GXYLT1: variants seen among roughly 807,000 people sequenced by gnomAD.
The protein encoded by GXYLT1 is glycosyltransferase 8 domain containing 3.
In GXYLT1, 29 loss-of-function variants were observed where a neutral mutation model predicts 54.0. The ratio of observed to expected loss-of-function variants is 0.54; its 90% confidence interval spans 0.40 to 0.73. The LOEUF (loss-of-function observed/expected upper bound fraction) is 0.73. Ranked by LOEUF, GXYLT1 falls within the 30% of genes least tolerant of loss-of-function variation. The probability of loss-of-function intolerance (pLI) is 0.00; values close to 1 mark genes in which losing one functional copy is unlikely to be tolerated. For synonymous variants in GXYLT1, 176 were observed against 204.1 expected (o/e 0.86, Z 1.17); for missense variants, 490 against 553.4 (o/e 0.89, Z 1.15).
At chr12:42,097,700 C>T in intron 6 of GXYLT1, 86 bp from the exon 7 acceptor site, 1 of 1,232,638 alleles carries the variant, frequency 8.1e-7, no homozygotes, top group East Asian at 2.4e-5. Flanking sequence ...TTAAAAAATA[C>T]AGCTCTTACA....
At position 42,087,301 on chromosome 12, in the gene GXYLT1, G is replaced by A. The variant is rs1384784142; in HGVS notation, c.*485C>T. 1 of 153,270 alleles carries A rather than the reference G, an allele frequency of 6.5e-6. No homozygotes were observed. Among genetic ancestry groups the A allele is most frequent in the Non-Finnish European group, 1.5e-5 (1 of 68,858 alleles). 9.5% of individuals were successfully genotyped at this position (153,270 alleles called of 1,614,324 possible). A position where few individuals can be genotyped will look rare whatever the true frequency, so the allele number is the denominator to read the frequency against. On this transcript the variant is annotated 3_prime_UTR_variant, in exon 8 of 8. Transcript: ENST00000398675. ...ATAAAGGCACACATAGATTGTCAAT[G>A]GTTACATCAGTTACATCACATTTCT...
chr12:42,131,551 G>GA (rs2065594192), intron 1 of GXYLT1, among the ~76,000 whole-genome samples: 1 of 152,126 alleles, frequency 6.6e-6, no homozygotes, highest in African/African-American at 2.4e-5. Context: ...TTAACCAACA[G>GA]AAAAAAGTTA....
At chr12:42,133,041 G>C (rs61940179) in intron 1 of GXYLT1, among the ~76,000 whole-genome samples, 2,793 of 152,160 alleles carry the variant, frequency 0.018, 49 homozygotes, top group Middle Eastern at 0.034. Context: ...CCAGCACTTT[G>C]GGAGGCCAAG....
chr12:42,117,429 G>C (rs2065503417), intron 3 of GXYLT1, among the ~76,000 whole-genome samples: 1 of 151,748 alleles, frequency 6.6e-6, no homozygotes, highest in African/African-American at 2.4e-5. Flanking sequence ...ATACCTTTTA[G>C]TTTTCTGCCA....
intron 5 of GXYLT1, among the ~76,000 whole-genome samples, chr12:42,101,472 TAGA>T (rs1203137025): frequency 2.6e-5 from 4 of 152,164 alleles, no homozygotes; most frequent in Non-Finnish European, 4.4e-5. Context: ...TGTAATGACA[TAGA>T]AGTCAGTCAA....
Position 42,134,604 on chromosome 12 carries a change from A to G in GXYLT1, c.222-4753T>C, listed in dbSNP as rs116009507. Among the ~76,000 whole-genome samples, 100 of 152,246 alleles carry G rather than the reference A, an allele frequency of 6.6e-4. 1 individual carries two copies. The highest frequency in any genetic ancestry group is 2.2e-3 in the African/African-American group (93 of 41,540). ...TTCCTAAGTATAAGCTCCCTGCTTT[A>G]CCCATTTCCCTCCCTACTCAGACTA... is the stretch of plus-strand genomic sequence containing the variant. On this transcript the variant is annotated intron_variant, in intron 1 of 7. Coordinates refer to ENST00000398675, the MANE Select transcript of GXYLT1 (RefSeq NM_173601.2).
At chr12:42,122,282 T>C (rs1047314241) in intron 2 of GXYLT1, among the ~76,000 whole-genome samples, 5 of 152,130 alleles carry the variant, frequency 3.3e-5, no homozygotes, top group Non-Finnish European at 7.4e-5. Flanking sequence ...TGAATGATAG[T>C]GTATTAAATT....
intron 1 of GXYLT1, among the ~76,000 whole-genome samples, chr12:42,137,649 T>C (rs1288089596): frequency 6.7e-6 from 1 of 149,050 alleles, no homozygotes; most frequent in African/African-American, 2.5e-5. Flanking sequence ...CCCAGCTACT[T>C]GGGAGGCTGA....
At chr12:42,090,373 A>G (rs1014298518) in intron 7 of GXYLT1, among the ~76,000 whole-genome samples, 1 of 151,994 alleles carries the variant, frequency 6.6e-6, no homozygotes, top group African/African-American at 2.4e-5. Context: ...CCCTTACCTG[A>G]CTCCAGACCT....
intron 1 of GXYLT1, among the ~76,000 whole-genome samples, chr12:42,144,002 T>TCACA (rs146444482): frequency 2.0e-5 from 3 of 150,606 alleles, no homozygotes; most frequent in Non-Finnish European, 4.4e-5. Context: ...ACATATACAC[T>TCACA]CACACACACA....
intron 1 of GXYLT1, among the ~76,000 whole-genome samples, chr12:42,131,162 G>A (rs2065592021): frequency 6.6e-6 from 1 of 152,096 alleles, no homozygotes; most frequent in South Asian, 2.1e-4. Context: ...CAAAAAAATT[G>A]TTTTTCATCG....
chr12:42,092,557 C>T (rs976627583), intron 7 of GXYLT1, among the ~76,000 whole-genome samples: 1 of 151,948 alleles, frequency 6.6e-6, no homozygotes. Context: ...ACCCCAATTA[C>T]ATAAAAGGGG....
Position 42,097,891 on chromosome 12 carries a change from A to C in GXYLT1, c.988+19T>G. Reference sequence around the variant, plus strand: ...TCTGTGATTTTTTTAATGCAAATAAAAGGAATTTAAATAATTACCTGGATT... The same window carrying C: ...TCTGTGATTTTTTTAATGCAAATAACAGGAATTTAAATAATTACCTGGATT... On this transcript the variant is annotated intron_variant, in intron 6 of 7. Transcript: ENST00000398675. The C allele has an allele frequency of 1.9e-6, 3 of 1,539,272 alleles. No homozygotes were observed. In the African/African-American group the frequency reaches 4.1e-5, roughly 21 times the overall value.
At position 42,087,707 on chromosome 12, in the gene GXYLT1, T is replaced by C; in HGVS notation, c.*79A>G. 9.8e-7 allele frequency: 1 copy of C among 1,024,888 alleles called. No individual in the cohort carries two copies. Among genetic ancestry groups the C allele is most frequent in the South Asian group, 1.6e-5 (1 of 61,448 alleles). 63.5% of individuals were successfully genotyped at this position (1,024,888 alleles called of 1,614,324 possible). On this transcript the variant is annotated 3_prime_UTR_variant, in exon 8 of 8. Coordinates refer to ENST00000398675, the MANE Select transcript of GXYLT1 (RefSeq NM_173601.2). ...TGGAGATGAGTAATTCCTTCCTGAA[T>C]ACTTCATCCAAGACGATTCCTTCAC... is the stretch of plus-strand genomic sequence containing the variant.
chr12:42,129,919 C>G, intron 1 of GXYLT1, 68 bp from the exon 2 acceptor site: 1 of 887,526 alleles, frequency 1.1e-6, no homozygotes, highest in South Asian at 1.5e-5. Context: ...AAGGAATTTA[C>G]TCAGTAACAC....
chr12:42,103,456 A>G (rs1172142105), intron 5 of GXYLT1, among the ~76,000 whole-genome samples: 1 of 152,246 alleles, frequency 6.6e-6, no homozygotes, highest in African/African-American at 2.4e-5. Context: ...GAAAGTGATT[A>G]TAAGTAACTC....
intron 2 of GXYLT1, among the ~76,000 whole-genome samples, chr12:42,129,535 G>C (rs1341572372): frequency 6.6e-6 from 1 of 151,906 alleles, no homozygotes; most frequent in Non-Finnish European, 1.5e-5. Flanking sequence ...TAAGAACAGT[G>C]GTTTGTCTTA....
At chr12:42,124,285 T>A (rs1326750947) in intron 2 of GXYLT1, among the ~76,000 whole-genome samples, 2 of 152,020 alleles carry the variant, frequency 1.3e-5, no homozygotes, top group East Asian at 1.9e-4. Flanking sequence ...CTGATTTTTT[T>A]AAAAACTAAA....
intron 7 of GXYLT1, among the ~76,000 whole-genome samples, chr12:42,090,039 C>T (rs1037581836): frequency 5.9e-5 from 9 of 151,822 alleles, no homozygotes; most frequent in Admixed American, 3.9e-4. Context: ...ATGTAGTACT[C>T]GAGATTAAGT....
Sources: allele counts gnomAD v4.1 joint callset (sites outside exome capture counted in the v4.1 genomes callset), GRCh38; gene constraint gnomAD v4.1.1; transcripts MANE v1.5; gene names NCBI Gene and HGNC (gene_info 2026-07-23, HGNC 2026-07-21).